Variants in CCDC33 observed in about 807,000 individuals in gnomAD.
CCDC33 encodes coiled-coil domain containing 33.
A neutral mutation model predicts 91.9 loss-of-function variants in CCDC33; 94 were observed. That is an observed-to-expected ratio of 1.02 (90% CI 0.87 to 1.21). The LOEUF is 1.21. CCDC33 is among the 50% of genes most tolerant of loss of function. The pLI is 0.00. For synonymous variants in CCDC33, 396 were observed against 374.5 expected (o/e 1.06, Z -0.66); for missense variants, 940 against 935.5 (o/e 1.00, Z -0.06).
intron 2 of CCDC33, among the ~76,000 whole-genome samples, chr15:74,226,958 G>T (rs2074819901): frequency 6.6e-6 from 1 of 152,166 alleles, no homozygotes. Flanking sequence ...GAGTTGCAGG[G>T]GATGCCAATG....
At chr15:74,247,403 A>G (rs971388013) in intron 2 of CCDC33, among the ~76,000 whole-genome samples, 2 of 152,054 alleles carry the variant, frequency 1.3e-5, no homozygotes, top group South Asian at 2.1e-4. Context: ...CACACGTCAT[A>G]TACATATATT....
Position 74,286,708 on chromosome 15 carries a change from C to T in CCDC33, c.1095+4859C>T, listed in dbSNP as rs953507710. 2.6e-5 allele frequency among the ~76,000 whole-genome samples: 4 copies of T among 152,168 alleles called. No homozygotes were observed. In the East Asian group the frequency reaches 7.7e-4, roughly 29 times the overall value. ...CCATCACCTTGCCCAGATAGGGCAC[C>T]AGGCAGAAGTAGGGCCTCTCAGATG... is the stretch of plus-strand genomic sequence containing the variant. On this transcript the variant is annotated intron_variant, in intron 10 of 18. Transcript: ENST00000398814.
At chr15:74,227,334 C>G (rs1352486083) in intron 2 of CCDC33, among the ~76,000 whole-genome samples, 3 of 152,176 alleles carry the variant, frequency 2.0e-5, no homozygotes, top group Non-Finnish European at 4.4e-5. Context: ...CAAGCTGTTC[C>G]TTAGCCCATT....
At chr15:74,205,891 C>T (rs996198716) in intron 1 of CCDC33, among the ~76,000 whole-genome samples, 6 of 152,218 alleles carry the variant, frequency 3.9e-5, no homozygotes, top group African/African-American at 7.2e-5. Flanking sequence ...GCAAGCAGAG[C>T]GCAGCCTTGT....
rs145128251 is a variant in CCDC33, at chr15:74,268,392, C to A, written c.480C>A (p.Tyr160Ter). 1.6e-4 allele frequency: 254 copies of A among 1,613,738 alleles called. 1 individual carries two copies. The African/African-American group carries it at 2.7e-3, about 17-fold the overall frequency. Residue 160 changes from tyrosine (Y) to a stop codon, truncating the protein, a stop_gained, in exon 5 of 19, where the codon TAC (tyrosine) becomes TAA (stop). Coordinates refer to ENST00000398814, the MANE Select transcript of CCDC33 (RefSeq NM_025055.5). LOFTEE classifies it high-confidence loss of function. ...ADEATAKTQL[Y>*]ATVVRKSSFI... Reference sequence around the variant, plus strand: ...AAGCCACTGCCAAGACCCAGTTGTACGCAACAGTCGTTCGGAAGAGCAGCT... The same window carrying A: ...AAGCCACTGCCAAGACCCAGTTGTAAGCAACAGTCGTTCGGAAGAGCAGCT...
intron 11 of CCDC33, chr15:74,311,574 C>A (rs763752030): frequency 2.0e-5 from 3 of 152,062 alleles, no homozygotes; most frequent in Non-Finnish European, 2.9e-5. Context: ...ATGGGAGTTG[C>A]GGGGCATCCC....
intron 11 of CCDC33, among the ~76,000 whole-genome samples, chr15:74,309,789 C>A (rs1028439034): frequency 2.0e-5 from 3 of 152,222 alleles, no homozygotes; most frequent in Middle Eastern, 3.4e-3. Flanking sequence ...CGTTCCAGAC[C>A]CCCCAAGTCC....
At chr15:74,231,937 C>G (rs563528417), upstream of CCDC33, among the ~76,000 whole-genome samples, 1 of 152,140 alleles carries the variant, frequency 6.6e-6, no homozygotes, top group African/African-American at 2.4e-5. Flanking sequence ...TCACTTGAAC[C>G]CAGGAGGCGG....
At chr15:74,307,360 G>A (rs2059910524) in intron 11 of CCDC33, among the ~76,000 whole-genome samples, 1 of 152,168 alleles carries the variant, frequency 6.6e-6, no homozygotes, top group African/African-American at 2.4e-5. Flanking sequence ...CAGAACTTCG[G>A]TCACAATCTC....
At chr15:74,322,298 G>A (rs952228491) in intron 11 of CCDC33, among the ~76,000 whole-genome samples, 2 of 152,236 alleles carry the variant, frequency 1.3e-5, no homozygotes, top group Non-Finnish European at 2.9e-5. Context: ...GACGACCTAC[G>A]GGCAGGGGCG....
intron 10 of CCDC33, among the ~76,000 whole-genome samples, chr15:74,287,469 C>A (rs1036780977): frequency 2.6e-5 from 4 of 152,174 alleles, no homozygotes; most frequent in Admixed American, 2.0e-4. Flanking sequence ...CTCACCTGCT[C>A]AGGTTCTAGG....
At chr15:74,211,949 C>T (rs921469515) in intron 2 of CCDC33, among the ~76,000 whole-genome samples, 1 of 152,156 alleles carries the variant, frequency 6.6e-6, no homozygotes, top group African/African-American at 2.4e-5. Context: ...CTCTCCTGCT[C>T]TTTGTTTTGC....
chr15:74,320,503 C>G (rs1036427278), intron 11 of CCDC33, among the ~76,000 whole-genome samples: 5 of 152,090 alleles, frequency 3.3e-5, no homozygotes, highest in Admixed American at 2.0e-4. Context: ...GGTCTCCCCA[C>G]CCCCAACAGA....
intron 4 of CCDC33, among the ~76,000 whole-genome samples, chr15:74,267,738 C>T (rs567875767): frequency 6.6e-6 from 1 of 150,984 alleles, no homozygotes; most frequent in South Asian, 2.1e-4. Context: ...GGTCCCCAGG[C>T]CTCCATCCTC....
At chr15:74,306,178 C>T (rs1864813010) in intron 11 of CCDC33, among the ~76,000 whole-genome samples, 4 of 152,146 alleles carry the variant, frequency 2.6e-5, no homozygotes, top group Admixed American at 2.6e-4. Flanking sequence ...TAATTCCGTA[C>T]AAGGGTCCCT....
intron 3 of CCDC33, 90 bp downstream of exon 3, chr15:74,262,663 C>G: frequency 7.1e-7 from 1 of 1,414,152 alleles, no homozygotes. Flanking sequence ...CCTCTCACTG[C>G]AGCTGGTAGC....
At chr15:74,325,977 T>C (rs1039237231) in intron 11 of CCDC33, among the ~76,000 whole-genome samples, 2 of 152,156 alleles carry the variant, frequency 1.3e-5, no homozygotes, top group Admixed American at 1.3e-4. Context: ...ACAATGAAAG[T>C]AGTCACATCA....
In CCDC33 at chr15:74,244,232, C is replaced by T; in HGVS notation, c.185+84C>T. The T allele has an allele frequency of 6.6e-7, 1 of 1,507,726 alleles. No individual in the cohort carries two copies. The highest frequency in any genetic ancestry group is 2.0e-5 in the Admixed American group (1 of 50,310). 93.4% of individuals were successfully genotyped at this position (1,507,726 alleles called of 1,614,324 possible). ...GGGACAGCTATTTGGAATACTAGCACCCAAAGGCCCAGGACTGGGACTGTC... is the reference window on the plus strand; with the variant it reads ...GGGACAGCTATTTGGAATACTAGCATCCAAAGGCCCAGGACTGGGACTGTC... On this transcript the variant is annotated intron_variant, in intron 2 of 18. Transcript: ENST00000398814. This position sits in a 1 kb window ranked among gnomAD's most constrained non-coding sequence, Gnocchi z 4.2.
chr15:74,256,241 T>G (rs1379914324), intron 2 of CCDC33, among the ~76,000 whole-genome samples: 1 of 152,152 alleles, frequency 6.6e-6, no homozygotes. Flanking sequence ...CTGGGCTCTG[T>G]GTCTGAGCCA....
Sources: allele counts gnomAD v4.1 joint callset (sites outside exome capture counted in the v4.1 genomes callset), GRCh38; gene constraint gnomAD v4.1.1; non-coding constraint Gnocchi (gnomAD v3.1); transcripts MANE v1.5; gene names NCBI Gene and HGNC (gene_info 2026-07-23, HGNC 2026-07-21).